SRSF4: variants seen among roughly 807,000 people sequenced by gnomAD.
SRSF4 encodes serine/arginine-rich splicing factor 4.
Under a neutral mutation model 48.8 loss-of-function variants are expected in SRSF4, and 12 were observed. The observed-to-expected ratio is 0.25, with a 90% CI of 0.16 to 0.40. The LOEUF (loss-of-function observed/expected upper bound fraction) is 0.40. Ranked by LOEUF, SRSF4 falls within the 10% of genes least tolerant of loss-of-function variation. The pLI, the probability that SRSF4 is intolerant of heterozygous loss-of-function variation, is 1.00. For missense variants in SRSF4, 466 were observed against 667.1 expected, an observed-to-expected ratio of 0.70 and a Z score of 3.32; for synonymous variants, 248 against 232.5, an observed-to-expected ratio of 1.07 and a Z score of -0.61.
At chr1:29,174,346 C>A (rs938194370) in intron 1 of SRSF4, among the ~76,000 whole-genome samples, 1 of 152,126 alleles carries the variant, frequency 6.6e-6, no homozygotes, top group Non-Finnish European at 1.5e-5. Context: ...CAGGAATCTG[C>A]CCTAAGGCAA....
chr1:29,163,954 T>A (rs1672634263), intron 1 of SRSF4, among the ~76,000 whole-genome samples: 1 of 152,228 alleles, frequency 6.6e-6, no homozygotes, highest in South Asian at 2.1e-4. Context: ...GGAAGTATAC[T>A]GCATATCTCC....
In SRSF4 at chr1:29,149,163, T is replaced by C. The variant is rs759167120; in HGVS notation, c.732A>G (p.Lys244=). 3.8e-5 allele frequency: 61 copies of C among 1,604,914 alleles called. No individual in the cohort carries two copies. Among genetic ancestry groups the C allele is most frequent in the Middle Eastern group, 1.7e-4 (1 of 5,738 alleles). Residue 244 remains lysine (K), a synonymous_variant, in exon 6 of 6, where the codon AAA becomes AAG. Transcript: ENST00000373795. ...CCTTGCTGGGGCTCCTGCTTTTCTC[T>C]TTCTTGCTCCGGCTCCGACTCTGGC... ...SRSQSRSRSK[K]EKSRSPSKEK...
At chr1:29,154,453 C>A in intron 4 of SRSF4, 3 of 469,454 alleles carry the variant, frequency 6.4e-6, no homozygotes, top group Non-Finnish European at 1.1e-5. Context: ...CCTTGGCCTC[C>A]CAAAGTGCTG....
At chr1:29,159,523 GAAGAA>G (rs746560304) in intron 2 of SRSF4, 37 bp from the exon 3 acceptor site, 1 of 1,496,022 alleles carries the variant, frequency 6.7e-7, no homozygotes, top group East Asian at 2.3e-5. Flanking sequence ...TATTTCAGTG[GAAGAA>G]AAGGAAAAAA....
chr1:29,159,610 T>C lies in SRSF4; in HGVS notation c.251-124A>G, dbSNP rs937348646. 5 of 529,978 alleles carry C rather than the reference T, an allele frequency of 9.4e-6. No homozygotes were observed. In the African/African-American group the frequency reaches 9.7e-5, roughly 10 times the overall value. The allele number at this position is 529,978 out of a possible 1,614,324, so 32.8% of individuals were successfully genotyped here. ...CCCAAACAATAGCACGTTTTAACTC[T>C]ATTCCCACCCTTAATTCTAAAATAG... On this transcript the variant is annotated intron_variant, in intron 2 of 5. Transcript: ENST00000373795.
At position 29,180,820 on chromosome 1, in the gene SRSF4, G is replaced by C. The variant is rs74586376; in HGVS notation, c.107+826C>G. 5.7e-3 allele frequency among the ~76,000 whole-genome samples: 866 copies of C among 152,290 alleles called. 9 individuals carry two copies. Among genetic ancestry groups the C allele is most frequent in the African/African-American group, 0.019 (795 of 41,546 alleles). ...CACTATTTTTGCCGAAGTAGATTAAGAATACAAGTAATAGATCATACTCTG... is the reference window on the plus strand; with the variant it reads ...CACTATTTTTGCCGAAGTAGATTAACAATACAAGTAATAGATCATACTCTG... On this transcript the variant is annotated intron_variant, in intron 1 of 5. Coordinates refer to ENST00000373795, the MANE Select transcript of SRSF4 (RefSeq NM_005626.5).
In SRSF4 at chr1:29,154,919, A is replaced by T; in HGVS notation, c.364-9T>A. On this transcript the variant is annotated splice_polypyrimidine_tract_variant and intron_variant, in intron 3 of 5. Coordinates refer to ENST00000373795, the MANE Select transcript of SRSF4 (RefSeq NM_005626.5). ...GCCTGACGCATATAATCCTGAAGAA[A>T]AAAAAAAGTGTGACTACATTAGGAT... 6.2e-7 allele frequency: 1 copy of T among 1,604,618 alleles called. No individual in the cohort carries two copies. The highest frequency in any genetic ancestry group is 2.2e-5 in the East Asian group (1 of 44,834).
chr1:29,163,055 A>G (rs979088935), intron 1 of SRSF4, among the ~76,000 whole-genome samples: 5 of 152,248 alleles, frequency 3.3e-5, no homozygotes, highest in South Asian at 2.1e-4. Context: ...AGGTTAATTT[A>G]AAAATAAAAA....
At chr1:29,175,392 C>T (rs984357642) in intron 1 of SRSF4, among the ~76,000 whole-genome samples, 3 of 149,556 alleles carry the variant, frequency 2.0e-5, no homozygotes, top group Non-Finnish European at 4.4e-5. Context: ...CAGACAGAGA[C>T]TCCATCTCAA....
chr1:29,163,225 G>A (rs1317656273), intron 1 of SRSF4, among the ~76,000 whole-genome samples: 3 of 152,068 alleles, frequency 2.0e-5, no homozygotes, highest in Non-Finnish European at 4.4e-5. Context: ...TCCAACAAGT[G>A]GGTCACTTGG....
chr1:29,180,045 C>G (rs544776042), intron 1 of SRSF4, among the ~76,000 whole-genome samples: 6 of 152,370 alleles, frequency 3.9e-5, no homozygotes, highest in African/African-American at 9.6e-5. Context: ...CTGATTATAG[C>G]TGCCACTTAC....
rs754976488 is a variant in SRSF4 at position 29,154,709 on chromosome 1, G to A, written c.565C>T (p.Arg189Trp). The change falls in exon 4 of 6, where the codon CGG becomes TGG. Residue 189 changes from arginine (R) to tryptophan (W), a missense_variant. Physicochemically the swap from Arg to Trp is moderately radical, Grantham distance 101. This residue lies in a region of SRSF4 where 402 missense variants were observed against 437.0 expected (regional missense o/e 0.92). Coordinates refer to ENST00000373795, the MANE Select transcript of SRSF4 (RefSeq NM_005626.5). ...CATCAACAGTACCTTGAATGACTCC[G>A]GCTTCTGGAGTAGGACCGGCGTCGT... ...SRRRRSYSRS[R>W]SHSRSRSRSR... The A allele has an allele frequency of 1.5e-5, 24 of 1,614,002 alleles. No homozygotes were observed. The highest frequency in any genetic ancestry group is 1.9e-5 in the Non-Finnish European group (23 of 1,180,040).
chr1:29,164,294 C>T (rs2151817516), intron 1 of SRSF4, among the ~76,000 whole-genome samples: 1 of 152,336 alleles, frequency 6.6e-6, no homozygotes, highest in African/African-American at 2.4e-5. Flanking sequence ...CATTTAAACA[C>T]TTTTAACTGT....
At chr1:29,172,632 A>C (rs1241038991) in intron 1 of SRSF4, 2 of 152,222 alleles carry the variant, frequency 1.3e-5, no homozygotes, top group Admixed American at 1.3e-4. Context: ...TGAAGTGCCC[A>C]TCACACGGGC....
At chr1:29,158,710 A>C (rs1672543460) in intron 3 of SRSF4, among the ~76,000 whole-genome samples, 1 of 152,200 alleles carries the variant, frequency 6.6e-6, no homozygotes, top group East Asian at 1.9e-4. Flanking sequence ...GGAGGCTGAG[A>C]CTGAAGGATC....
At chr1:29,169,048 T>A (rs1393725295) in intron 1 of SRSF4, 1 of 152,252 alleles carries the variant, frequency 6.6e-6, no homozygotes, top group Non-Finnish European at 1.5e-5. Flanking sequence ...TGCAGCCCAC[T>A]AGGACTCTTC....
At position 29,181,694 on chromosome 1, in the gene SRSF4, C is replaced by A; in HGVS notation, c.59G>T (p.Arg20Leu). The change falls in exon 1 of 6, where the codon CGC becomes CTC. Residue 20 changes from arginine (R) to leucine (L), a missense_variant. Physicochemically the swap from Arg to Leu is moderately radical, Grantham distance 102. This residue lies in a region of SRSF4 where 64 missense variants were observed against 230.2 expected (regional missense o/e 0.28). Transcript: ENST00000373795. Reference sequence around the variant, plus strand: ...GATCTTCCCGTAGCCCTTAAAGAAGCGCTCCACATCGCGCTCCCGGGCCTG... The same window carrying A: ...GATCTTCCCGTAGCCCTTAAAGAAGAGCTCCACATCGCGCTCCCGGGCCTG... ...SYQARERDVE[R>L]FFKGYGKILE... The A allele has an allele frequency of 6.3e-7, 1 of 1,596,230 alleles. No homozygotes were observed. The highest frequency in any genetic ancestry group is 8.5e-7 in the Non-Finnish European group (1 of 1,173,208).
intron 1 of SRSF4, among the ~76,000 whole-genome samples, chr1:29,175,211 A>G (rs1672821048): frequency 6.7e-6 from 1 of 149,408 alleles, no homozygotes; most frequent in African/African-American, 2.5e-5. Flanking sequence ...TCAGGAGTTC[A>G]AAACCAGGCT....
In SRSF4 at chr1:29,149,211, G is replaced by A; in HGVS notation, c.684C>T (p.Ser228=). The part of the protein sequence containing the change: ...SRSRSRSGSR[S]RSKSRSRSQS... ...GGCTCCGGCTCCGGCTCTTGCTCCG[G>A]GAGCGGGAGCCCGACCTGAGGAGAC... Residue 228 remains serine (S), a synonymous_variant, in exon 6 of 6, where the codon TCC becomes TCT. Transcript: ENST00000373795. The A allele has an allele frequency of 6.2e-7, 1 of 1,608,202 alleles. No homozygotes were observed. Among genetic ancestry groups the A allele is most frequent in the South Asian group, 1.1e-5 (1 of 91,034 alleles).
Sources: allele counts gnomAD v4.1 joint callset (sites outside exome capture counted in the v4.1 genomes callset), GRCh38; gene constraint gnomAD v4.1.1; regional missense constraint gnomAD v4.1.1; transcripts MANE v1.5; gene names NCBI Gene and HGNC (gene_info 2026-07-23, HGNC 2026-07-21).